Variants in CAAP1 observed in about 807,000 individuals in gnomAD.
The protein encoded by CAAP1 is conserved anti-apoptotic protein.
CAAP1 carries 20 observed loss-of-function variants against 34.0 expected under a neutral mutation model. That is an observed-to-expected ratio of 0.59 (90% CI 0.41 to 0.86). The LOEUF is 0.86. CAAP1 is among the 40% of genes least tolerant of loss of function. The pLI is 0.00. For missense variants in CAAP1, 538 were observed against 450.5 expected (o/e 1.19, Z -1.76); for synonymous variants, 213 against 166.7 (o/e 1.28, Z -2.14).
intron 4 of CAAP1, among the ~76,000 whole-genome samples, chr9:26,877,782 C>T (rs1321362266): frequency 6.6e-6 from 1 of 151,928 alleles, no homozygotes; most frequent in Non-Finnish European, 1.5e-5. Context: ...AATTTGAAGA[C>T]TTAAATTTGT....
intron 3 of CAAP1, among the ~76,000 whole-genome samples, chr9:26,885,560 T>C (rs948416693): frequency 6.6e-6 from 1 of 152,062 alleles, no homozygotes; most frequent in African/African-American, 2.4e-5. Flanking sequence ...TCTTCTGTCA[T>C]GTTAAAGCTA....
chr9:26,866,778 T>C (rs544538128), intron 4 of CAAP1, among the ~76,000 whole-genome samples: 1 of 152,306 alleles, frequency 6.6e-6, no homozygotes, highest in East Asian at 1.9e-4. Context: ...CACAGCTTGG[T>C]GACTGAAAAA....
At chr9:26,846,015 G>A (rs971696269) in intron 5 of CAAP1, among the ~76,000 whole-genome samples, 4 of 152,158 alleles carry the variant, frequency 2.6e-5, no homozygotes, top group South Asian at 4.1e-4. Flanking sequence ...GAAAAGGAGG[G>A]AAAGGAGGAG....
chr9:26,876,112 A>C (rs1171758067), intron 4 of CAAP1, among the ~76,000 whole-genome samples: 1 of 152,218 alleles, frequency 6.6e-6, no homozygotes, highest in Non-Finnish European at 1.5e-5. Context: ...CATTTCTTGC[A>C]GAGGATCCAG....
chr9:26,844,004 A>G (rs1822538544), intron 5 of CAAP1, among the ~76,000 whole-genome samples: 1 of 152,228 alleles, frequency 6.6e-6, no homozygotes, highest in Non-Finnish European at 1.5e-5. Flanking sequence ...AGAAAATTGA[A>G]TAAAACCTTT....
chr9:26,847,198 ATTT>A (rs1171628621), intron 5 of CAAP1, among the ~76,000 whole-genome samples: 84 of 34,690 alleles, frequency 2.4e-3, no homozygotes, highest in African/African-American at 6.2e-3. Flanking sequence ...AAAAAGCAAT[ATTT>A]TTTTTTTTTT....
In CAAP1 at chr9:26,892,753, T is replaced by C. The variant is rs1274857163; in HGVS notation, c.-38A>G. The C allele has an allele frequency of 2.0e-6, 3 of 1,536,300 alleles. No homozygotes were observed. The African/African-American group carries it at 4.1e-5, about 21-fold the overall frequency. ...GCAACCATCGGAGGAAAGTCCGCTG[T>C]CTCTGGTGCGACCGAAGCCCGACTC... On this transcript the variant is annotated 5_prime_UTR_variant, in exon 1 of 6. Transcript: ENST00000333916.
intron 5 of CAAP1, among the ~76,000 whole-genome samples, chr9:26,851,582 G>A (rs1457915825): frequency 6.6e-6 from 1 of 152,128 alleles, no homozygotes; most frequent in East Asian, 1.9e-4. Flanking sequence ...ACAATAACAG[G>A]CTGACATAAG....
chr9:26,882,256 G>A (rs1823609422), intron 4 of CAAP1, among the ~76,000 whole-genome samples: 1 of 152,210 alleles, frequency 6.6e-6, no homozygotes, highest in African/African-American at 2.4e-5. Context: ...CCAAGACAAT[G>A]GGGAAAATGT....
chr9:26,863,847 AGTGC>A (rs1236847876), intron 4 of CAAP1, among the ~76,000 whole-genome samples: 1 of 148,920 alleles, frequency 6.7e-6, no homozygotes, highest in African/African-American at 2.5e-5. Context: ...AGGAGGCTGG[AGTGC>A]AGTGATCACA....
At chr9:26,845,396 A>G (rs1322774600) in intron 5 of CAAP1, among the ~76,000 whole-genome samples, 1 of 152,038 alleles carries the variant, frequency 6.6e-6, no homozygotes, top group Admixed American at 6.6e-5. Context: ...AGCACTGCTG[A>G]ATATTTGCTT....
chr9:26,865,223 T>A (rs1462251870), intron 4 of CAAP1, among the ~76,000 whole-genome samples: 1 of 152,092 alleles, frequency 6.6e-6, no homozygotes, highest in Non-Finnish European at 1.5e-5. Context: ...AAAGTAAAGA[T>A]TAAAAATCAC....
chr9:26,874,526 G>A (rs185435022), intron 4 of CAAP1, among the ~76,000 whole-genome samples: 13 of 151,970 alleles, frequency 8.6e-5, no homozygotes, highest in East Asian at 1.9e-4. Context: ...TTACCCAAAC[G>A]CTCCCTGTAC....
chr9:26,885,609 G>C (rs1353301978), intron 3 of CAAP1, among the ~76,000 whole-genome samples: 3 of 152,032 alleles, frequency 2.0e-5, no homozygotes, highest in African/African-American at 7.2e-5. Context: ...AAAAATGCCT[G>C]ATAATCCAAA....
At chr9:26,890,239 CG>C (rs1390325907) in intron 1 of CAAP1, among the ~76,000 whole-genome samples, 1 of 151,868 alleles carries the variant, frequency 6.6e-6, no homozygotes, top group Admixed American at 6.6e-5. Flanking sequence ...GCCATGGTGG[CG>C]GGCACCTGTA....
At chr9:26,870,117 C>T (rs1185614387) in intron 4 of CAAP1, 1 of 199,530 alleles carries the variant, frequency 5.0e-6, no homozygotes, top group Non-Finnish European at 8.9e-6. Flanking sequence ...TCAAAGTTCC[C>T]CACAGGGAAA....
chr9:26,872,525 T>C (rs1823303028), intron 4 of CAAP1, among the ~76,000 whole-genome samples: 1 of 149,164 alleles, frequency 6.7e-6, no homozygotes, highest in South Asian at 2.1e-4. Flanking sequence ...TAAATGGAGA[T>C]TTTAAATAGA....
chr9:26,873,161 G>C (rs994641281), intron 4 of CAAP1, among the ~76,000 whole-genome samples: 4 of 152,216 alleles, frequency 2.6e-5, no homozygotes, highest in Non-Finnish European at 4.4e-5. Context: ...GCTGAGGTGG[G>C]AGGATCACTT....
At chr9:26,857,875 GACA>G (rs1822909792) in intron 5 of CAAP1, among the ~76,000 whole-genome samples, 2 of 145,502 alleles carry the variant, frequency 1.4e-5, no homozygotes, top group South Asian at 4.4e-4. Flanking sequence ...ACCAGTACTA[GACA>G]AAAAAATGCC....
Sources: allele counts gnomAD v4.1 joint callset (sites outside exome capture counted in the v4.1 genomes callset), GRCh38; gene constraint gnomAD v4.1.1; transcripts MANE v1.5; gene names NCBI Gene and HGNC (gene_info 2026-07-23, HGNC 2026-07-21).